The following LRRC23 variants were observed in gnomAD, a reference collection of about 807,000 sequenced individuals.
LRRC23 encodes the protein leucine rich repeat containing 23.
Under a neutral mutation model 37.7 loss-of-function variants are expected in LRRC23, and 28 were observed. That is an observed-to-expected ratio of 0.74 (90% CI 0.55 to 1.02). The LOEUF is 1.02. LRRC23 is among the 50% of genes least tolerant of loss of function. The pLI, the probability that LRRC23 is intolerant of heterozygous loss-of-function variation, is 0.00. For synonymous variants in LRRC23, 161 were observed against 165.4 expected, an observed-to-expected ratio of 0.97 and a Z score of 0.20; for missense variants, 377 against 413.2, an observed-to-expected ratio of 0.91 and a Z score of 0.76.
intron 7 of LRRC23, 32 bp from the exon 8 acceptor site, chr12:6,913,859 G>C (rs782434845): frequency 1.3e-6 from 2 of 1,512,024 alleles, no homozygotes; most frequent in Non-Finnish European, 1.8e-6. Flanking sequence ...CACAGCGCCT[G>C]GTCCCTATTT....
Position 6,906,546 on chromosome 12 carries a change from T to A in LRRC23, c.374T>A (p.Leu125Gln). ...LLWLKADGNR[L>Q]RSAQMNELPY... ...TGGCTCAAGGCTGATGGCAATCGGCTGCGAAGTGCCCAGATGAATGAACTG... is the reference window on the plus strand; with the variant it reads ...TGGCTCAAGGCTGATGGCAATCGGCAGCGAAGTGCCCAGATGAATGAACTG... Residue 125 changes from leucine (L) to glutamine (Q), a missense_variant, in exon 4 of 8, where the codon CTG becomes CAG. Leu to Gln is a moderately radical substitution (Grantham distance 113). Coordinates refer to ENST00000443597, the MANE Select transcript of LRRC23 (RefSeq NM_001135217.2). 8 of 1,614,238 alleles carry A rather than the reference T, an allele frequency of 5.0e-6. No individual in the cohort carries two copies. Among genetic ancestry groups the A allele is most frequent in the Non-Finnish European group, 6.8e-6 (8 of 1,180,048 alleles).
chr12:6,913,809 C>T, intron 7 of LRRC23, 82 bp from the exon 8 acceptor site: 2 of 1,043,042 alleles, frequency 1.9e-6, no homozygotes, highest in Non-Finnish European at 1.4e-6. Flanking sequence ...GTGATCTGCC[C>T]GCCTCCGCCT....
intron 6 of LRRC23, 52 bp downstream of exon 6, chr12:6,910,078 C>A: frequency 1.3e-6 from 2 of 1,535,136 alleles, no homozygotes; most frequent in Non-Finnish European, 1.8e-6. Flanking sequence ...CCAGGTGCAG[C>A]TTTTGAGTCT....
At chr12:6,910,115 G>T in intron 6 of LRRC23, 89 bp downstream of exon 6, 1 of 1,276,278 alleles carries the variant, frequency 7.8e-7, no homozygotes, top group Non-Finnish European at 1.1e-6. Context: ...CAATCCCCCA[G>T]TCCTAGCCCA....
chr12:6,905,572 CCTT>C lies in LRRC23; in HGVS notation c.-49-9_-49-7del, dbSNP rs1435047584. Reference sequence around the variant, plus strand: ...TGAAGGCTGGCAGAAGCTGATGAGACCTTCTTTTTCAGGAGGAGGACTGAGCTT... The same window carrying C: ...TGAAGGCTGGCAGAAGCTGATGAGACCTTTTTCAGGAGGAGGACTGAGCTT... On this transcript the variant is annotated splice_polypyrimidine_tract_variant and intron_variant, in intron 1 of 7. Transcript: ENST00000443597. 9 of 1,571,542 alleles carry C rather than the reference CCTT, an allele frequency of 5.7e-6. No homozygotes were observed. Among genetic ancestry groups the C allele is most frequent in the East Asian group, 4.5e-5 (2 of 44,498 alleles).
At chr12:6,905,784 C>T in intron 2 of LRRC23, 25 bp downstream of exon 2, 1 of 1,612,794 alleles carries the variant, frequency 6.2e-7, no homozygotes, top group Non-Finnish European at 8.5e-7. Flanking sequence ...AAGGAGGGGT[C>T]CTAGGGCTGA....
chr12:6,911,197 T>C (rs1440213102), intron 6 of LRRC23, among the ~76,000 whole-genome samples: 1 of 152,186 alleles, frequency 6.6e-6, no homozygotes, highest in Non-Finnish European at 1.5e-5. Context: ...TCAGCAACTC[T>C]TGTCGGATGG....
At chr12:6,910,114 A>T in intron 6 of LRRC23, 88 bp downstream of exon 6, 1 of 1,289,244 alleles carries the variant, frequency 7.8e-7, no homozygotes, top group Non-Finnish European at 1.1e-6. Flanking sequence ...CCAATCCCCC[A>T]GTCCTAGCCC....
Position 6,906,475 on chromosome 12 carries a change from C to A in LRRC23, c.303C>A (p.Asn101Lys). The A allele has an allele frequency of 6.2e-7, 1 of 1,614,168 alleles. No homozygotes were observed. The highest frequency in any genetic ancestry group is 8.5e-7 in the Non-Finnish European group (1 of 1,180,016). ...TGCGCTATGTGGATATTTCTGAGAA[C>A]CACCTGACAGACCTGTCTCCACTCA... The part of the protein sequence containing the change: ...IHLRYVDISE[N>K]HLTDLSPLNY... The change falls in exon 4 of 8, where the codon AAC becomes AAA. Residue 101 changes from asparagine to lysine, a missense_variant. This residue lies in a region of LRRC23 where 5 missense variants were observed against 21.7 expected (regional missense o/e 0.23). Transcript: ENST00000443597.
Position 6,912,820 on chromosome 12 carries a change from G to T in LRRC23, c.849G>T (p.Thr283=). 6.2e-7 allele frequency: 1 copy of T among 1,614,132 alleles called. No individual in the cohort carries two copies. The highest frequency in any genetic ancestry group is 8.5e-7 in the Non-Finnish European group (1 of 1,180,008). The part of the protein sequence containing the change: ...RALVLLDNPC[T]DETSYRQEAL... The stretch of plus-strand genomic sequence containing the variant: ...TGGTGCTGCTTGATAACCCATGCAC[G>T]GACGAAACCAGCTACCGCCAGGAGG... The change falls in exon 7 of 8, where the codon ACG becomes ACT. Residue 283 remains threonine (T), a synonymous_variant. Transcript: ENST00000443597.
intron 5 of LRRC23, among the ~76,000 whole-genome samples, chr12:6,908,072 T>A (rs1264286044): frequency 6.6e-6 from 1 of 152,148 alleles, no homozygotes; most frequent in Non-Finnish European, 1.5e-5. Flanking sequence ...TTTTTATTAG[T>A]TTATTGCAAG....
chr12:6,912,726 G>C lies in LRRC23; in HGVS notation c.759-4G>C, dbSNP rs369300855. 5.7e-5 allele frequency: 92 copies of C among 1,613,064 alleles called. No individual in the cohort carries two copies. In the Middle Eastern group the frequency reaches 6.7e-4, roughly 12 times the overall value. ...GCATGAACCCCTCCTGACCACACTG[G>C]CAGGGGCAACATGGTGGCCAACCTG... On this transcript the variant is annotated splice_region_variant and splice_polypyrimidine_tract_variant and intron_variant, in intron 6 of 7. Coordinates refer to ENST00000443597, the MANE Select transcript of LRRC23 (RefSeq NM_001135217.2).
At position 6,907,374 on chromosome 12, in the gene LRRC23, G is replaced by T; in HGVS notation, c.550G>T (p.Val184Leu). 3 of 1,614,012 alleles carry T rather than the reference G, an allele frequency of 1.9e-6. No individual in the cohort carries two copies. The highest frequency in any genetic ancestry group is 1.7e-6 in the Non-Finnish European group (2 of 1,180,006). ...CGAGAAGTTGATCAGCCTGCACACA[G>T]TGGAGCTTCGGGGGAACCAGCTGGA... Reference protein sequence around the residue: ...DPEKLISLHTVELRGNQLEST... With the variant: ...DPEKLISLHTLELRGNQLEST... The change falls in exon 5 of 8, where the codon GTG becomes TTG. Residue 184 changes from valine (V) to leucine (L), a missense_variant. Coordinates refer to ENST00000443597, the MANE Select transcript of LRRC23 (RefSeq NM_001135217.2).
rs1555140990 is a variant in LRRC23 at position 6,913,024 on chromosome 12, G to C, written c.*21G>C. On this transcript the variant is annotated 3_prime_UTR_variant, in exon 7 of 8. Coordinates refer to ENST00000443597, the MANE Select transcript of LRRC23 (RefSeq NM_001135217.2). Reference sequence around the variant, plus strand: ...TCTAGCAGCAGTTCTAGCCTCTAAAGATAGTAAGGAAGCCTGCAGGGAGGC... The same window carrying C: ...TCTAGCAGCAGTTCTAGCCTCTAAACATAGTAAGGAAGCCTGCAGGGAGGC... 1 of 1,611,370 alleles carries C rather than the reference G, an allele frequency of 6.2e-7. No individual in the cohort carries two copies. Among genetic ancestry groups the C allele is most frequent in the South Asian group, 1.1e-5 (1 of 91,020 alleles).
chr12:6,913,549 C>CTGTT (rs1270726960), intron 7 of LRRC23, among the ~76,000 whole-genome samples: 2 of 60,076 alleles, frequency 3.3e-5, no homozygotes, highest in Admixed American at 1.6e-4. Context: ...TTATTTACCT[C>CTGTT]TGTTTGTTTT....
intron 6 of LRRC23, among the ~76,000 whole-genome samples, chr12:6,911,233 C>T (rs1945153061): frequency 6.6e-6 from 1 of 152,184 alleles, no homozygotes; most frequent in Non-Finnish European, 1.5e-5. Flanking sequence ...TTTATTTCAG[C>T]AAACATGTAA....
At chr12:6,911,497 A>C (rs2138165075) in intron 6 of LRRC23, among the ~76,000 whole-genome samples, 1 of 140,360 alleles carries the variant, frequency 7.1e-6, no homozygotes, top group Middle Eastern at 3.6e-3. Flanking sequence ...TTTTGAGAGT[A>C]AGTCGGGTGT....
In LRRC23 at chr12:6,907,454, C is replaced by G. The variant is rs1555139819; in HGVS notation, c.621+9C>G. ...TGAAGAACCTCTACCTGGTAGCTCA[C>G]TGGGTCAGAGGGTGGTGCAGGGAAG... On this transcript the variant is annotated intron_variant, in intron 5 of 7. Coordinates refer to ENST00000443597, the MANE Select transcript of LRRC23 (RefSeq NM_001135217.2). The G allele has an allele frequency of 1.6e-5, 26 of 1,614,050 alleles. No individual in the cohort carries two copies. The highest frequency in any genetic ancestry group is 2.1e-5 in the Non-Finnish European group (25 of 1,180,010).
At chr12:6,907,228 T>A (rs1296380896) in intron 4 of LRRC23, 87 bp from the exon 5 acceptor site, 2 of 1,513,790 alleles carry the variant, frequency 1.3e-6, no homozygotes, top group East Asian at 4.5e-5. Context: ...TTGCGAATGG[T>A]AGGATGATTT....
Sources: allele counts gnomAD v4.1 joint callset (sites outside exome capture counted in the v4.1 genomes callset), GRCh38; gene constraint gnomAD v4.1.1; regional missense constraint gnomAD v4.1.1; transcripts MANE v1.5; gene names NCBI Gene and HGNC (gene_info 2026-07-23, HGNC 2026-07-21).